The following KMO variants were observed in gnomAD, a reference collection of about 807,000 sequenced individuals.
KMO encodes kynurenine 3-hydroxylase.
Under a neutral mutation model 57.8 loss-of-function variants are expected in KMO, and 24 were observed. That is an observed-to-expected ratio of 0.42 (90% CI 0.30 to 0.58). KMO has a LOEUF of 0.58. Ranked by LOEUF, KMO falls within the 20% of genes least tolerant of loss-of-function variation. KMO has a pLI of 0.22. For missense variants in KMO, 483 were observed against 588.2 expected, an observed-to-expected ratio of 0.82 and a Z score of 1.85; for synonymous variants, 210 against 193.6, an observed-to-expected ratio of 1.08 and a Z score of -0.70.
chr1:241,544,602 A>T (rs1424040773), intron 1 of KMO, among the ~76,000 whole-genome samples: 3 of 152,188 alleles, frequency 2.0e-5, no homozygotes, highest in Non-Finnish European at 4.4e-5. Flanking sequence ...TATCATCATG[A>T]CCATCTTTGA....
chr1:241,568,504 C>G lies in KMO; in HGVS notation c.814C>G (p.Leu272Val). 6.2e-7 allele frequency: 1 copy of G among 1,613,518 alleles called. No homozygotes were observed. The highest frequency in any genetic ancestry group is 8.5e-7 in the Non-Finnish European group (1 of 1,179,552). ...PDAIPLIGEK[L>V]LVQDFFLLPA... ...TCGGATTATTTTCCTTTGAAGGAAA[C>G]TCCTAGTGCAAGATTTCTTCCTGTT... Residue 272 changes from leucine (L) to valine (V), a missense_variant, in exon 10 of 15, where the codon CTC (leucine) becomes GTC (valine). This residue lies in a region of KMO where 410 missense variants were observed against 492.3 expected (regional missense o/e 0.83). Transcript: ENST00000366559.
At position 241,545,292 on chromosome 1, in the gene KMO, T is replaced by C. The variant is rs1006918533; in HGVS notation, c.55-3537T>C. On this transcript the variant is annotated intron_variant, in intron 1 of 14. Coordinates refer to ENST00000366559, the MANE Select transcript of KMO (RefSeq NM_003679.5). ...CACTCTAAAGATGTAAATTTTCTGT[T>C]GTTGTAAGCTCTTTGTATTAGTTTG... 7.2e-5 allele frequency among the ~76,000 whole-genome samples: 11 copies of C among 152,218 alleles called. No individual in the cohort carries two copies. The East Asian group carries it at 1.9e-3, about 27-fold the overall frequency.
intron 10 of KMO, among the ~76,000 whole-genome samples, chr1:241,576,256 C>T (rs935346611): frequency 6.6e-6 from 1 of 151,916 alleles, no homozygotes; most frequent in African/African-American, 2.4e-5. Flanking sequence ...CGACAATTTA[C>T]GTTCAGCATT....
chr1:241,563,818 A>G (rs1181100237), intron 7 of KMO, among the ~76,000 whole-genome samples: 1 of 152,200 alleles, frequency 6.6e-6, no homozygotes, highest in African/African-American at 2.4e-5. Context: ...AAACAAGCTT[A>G]TGAGACTTTC....
intron 1 of KMO, among the ~76,000 whole-genome samples, chr1:241,541,197 G>A (rs1200505993): frequency 1.3e-5 from 2 of 152,196 alleles, no homozygotes; most frequent in Non-Finnish European, 2.9e-5. Context: ...TAAGGACAGA[G>A]CTGTGGGTAG....
chr1:241,562,117 T>C, intron 6 of KMO, 50 bp from the exon 7 acceptor site: 1 of 1,529,830 alleles, frequency 6.5e-7, no homozygotes, highest in South Asian at 1.2e-5. Flanking sequence ...ACATCATCAT[T>C]TTCACCACTA....
intron 1 of KMO, among the ~76,000 whole-genome samples, chr1:241,544,339 C>A (rs1253193046): frequency 6.6e-6 from 1 of 152,192 alleles, no homozygotes; most frequent in African/African-American, 2.4e-5. Flanking sequence ...AATAAATGAA[C>A]CTCCTGTGTC....
chr1:241,545,020 A>G (rs1661092212), intron 1 of KMO, among the ~76,000 whole-genome samples: 1 of 152,164 alleles, frequency 6.6e-6, no homozygotes, highest in South Asian at 2.1e-4. Flanking sequence ...ACAAGGACTT[A>G]TCTTGGTAAC....
intron 10 of KMO, among the ~76,000 whole-genome samples, chr1:241,580,701 G>T (rs768276257): frequency 3.3e-4 from 50 of 152,054 alleles, no homozygotes; most frequent in African/African-American, 8.2e-4. Flanking sequence ...TCTCACTGTG[G>T]TCAGAAAAGA....
At chr1:241,571,902 C>T (rs1336813477) in intron 10 of KMO, among the ~76,000 whole-genome samples, 2 of 127,924 alleles carry the variant, frequency 1.6e-5, no homozygotes, top group East Asian at 2.4e-4. Context: ...GAGTCTCGCT[C>T]TGTTGCCAGG....
rs1663411526 is a variant in KMO at position 241,593,909 on chromosome 1, A to G, written c.*1756A>G. ...GAAACTCCTCTTTGTCATACTGCAC[A>G]TATAAAACGTCTTTTGTTTCCAACA... On this transcript the variant is annotated 3_prime_UTR_variant, in exon 15 of 15. Coordinates refer to ENST00000366559, the MANE Select transcript of KMO (RefSeq NM_003679.5). The G allele has an allele frequency of 6.5e-6, 1 of 154,676 alleles. No homozygotes were observed. Among genetic ancestry groups the G allele is most frequent in the Non-Finnish European group, 1.4e-5 (1 of 69,638 alleles). 9.6% of individuals were successfully genotyped at this position (154,676 alleles called of 1,614,324 possible). A position where few individuals can be genotyped will look rare whatever the true frequency, so the allele number is the denominator to read the frequency against.
At chr1:241,542,154 C>G (rs935460495) in intron 1 of KMO, among the ~76,000 whole-genome samples, 4 of 151,970 alleles carry the variant, frequency 2.6e-5, no homozygotes, top group African/African-American at 4.8e-5. Flanking sequence ...CAAGGGTCAA[C>G]ATTTATAAAT....
At chr1:241,568,712 T>TA in intron 10 of KMO, 65 bp downstream of exon 10, 1 of 1,489,304 alleles carries the variant, frequency 6.7e-7, no homozygotes, top group Non-Finnish European at 9.2e-7. Context: ...TAACAAGTCT[T>TA]ACGTAAAAAA....
chr1:241,565,996 G>A (rs899438282), intron 8 of KMO, among the ~76,000 whole-genome samples: 2 of 152,156 alleles, frequency 1.3e-5, no homozygotes, highest in African/African-American at 4.8e-5. Context: ...CCTGAGGTCA[G>A]GAGTTCCAGA....
At chr1:241,546,070 C>T (rs993277906) in intron 1 of KMO, among the ~76,000 whole-genome samples, 6 of 151,978 alleles carry the variant, frequency 3.9e-5, no homozygotes, top group African/African-American at 1.5e-4. Flanking sequence ...CTGTGATTAC[C>T]AGCAATCAAA....
intron 7 of KMO, among the ~76,000 whole-genome samples, chr1:241,563,390 C>G (rs1054325524): frequency 1.3e-5 from 2 of 152,330 alleles, no homozygotes; most frequent in Middle Eastern, 3.4e-3. Context: ...AATCTATCCT[C>G]TTAAATCCAG....
intron 1 of KMO, among the ~76,000 whole-genome samples, chr1:241,546,288 T>C (rs1661144460): frequency 6.6e-6 from 1 of 152,094 alleles, no homozygotes; most frequent in Non-Finnish European, 1.5e-5. Context: ...CATGAGTCTG[T>C]CAAAAATTCT....
chr1:241,562,862 AGAAGGAAGGAAGGAAGGAAGGAAGGAAG>A (rs1173823057), intron 7 of KMO, among the ~76,000 whole-genome samples: 12 of 104,502 alleles, frequency 1.1e-4, no homozygotes, highest in African/African-American at 4.3e-4. Context: ...AAGGAAGGAA[AGAAGGAAGGAAGGAAGGAAGGAAGGAAG>A]GAAGGAAGGA....
intron 10 of KMO, among the ~76,000 whole-genome samples, chr1:241,572,041 A>G (rs1481297559): frequency 6.6e-6 from 1 of 151,310 alleles, no homozygotes; most frequent in Non-Finnish European, 1.5e-5. Flanking sequence ...TTATTTTTGG[A>G]TTTTTAGTAG....
Sources: gnomAD v4.1 joint callset for allele counts (sites outside exome capture counted in the v4.1 genomes callset) on GRCh38, gnomAD v4.1.1 for gene constraint, gnomAD v4.1.1 regional missense constraint, MANE v1.5 for transcripts, NCBI Gene and HGNC (gene_info 2026-07-23, HGNC 2026-07-21) for gene names.